Variants in JRK observed in about 807,000 individuals in gnomAD.
JRK encodes jerky protein homolog.
For missense variants in JRK, 720 were observed against 509.2 expected, an observed-to-expected ratio of 1.41 and a Z score of -3.98; for synonymous variants, 303 against 218.1, an observed-to-expected ratio of 1.39 and a Z score of -3.43.
rs782502222 is a variant in JRK at position 142,665,394 on chromosome 8, G to A, written c.665C>T (p.Ala222Val). 10 of 717,606 alleles carry A rather than the reference G, an allele frequency of 1.4e-5. No individual in the cohort carries two copies. The South Asian group carries it at 1.5e-4, about 11-fold the overall frequency. The allele number at this position is 717,606 out of a possible 1,614,324, so 44.5% of individuals were successfully genotyped here. A position where few individuals can be genotyped will look rare whatever the true frequency, so the allele number is the denominator to read the frequency against. ...GAGCCTGTGGGAGCCCGTGGCGTTG[G>A]CACACATCAGCACGGTCAGCCGGTC... ...GKDRLTVLMC[A>V]NATGSHRLKP... The change falls in exon 2 of 2, where the codon GCC becomes GTC. Residue 222 changes from alanine (A) to valine (V), a missense_variant. Coordinates refer to ENST00000612905, the MANE Select transcript of JRK (RefSeq NM_003724.4).
rs997650283 is a variant in JRK at position 142,662,457 on chromosome 8, G to A, written c.*1895C>T. The A allele has an allele frequency of 5.4e-6, 5 of 929,774 alleles. No individual in the cohort carries two copies. Among genetic ancestry groups the A allele is most frequent in the Non-Finnish European group, 6.3e-6 (5 of 799,158 alleles). The allele number at this position is 929,774 out of a possible 1,614,324, so 57.6% of individuals were successfully genotyped here. On this transcript the variant is annotated 3_prime_UTR_variant, in exon 2 of 2. Transcript: ENST00000612905. The stretch of plus-strand genomic sequence containing the variant: ...GGAGTGACACGTGAGCCCAGAAATG[G>A]CACAAAGTACATGATGTGCAGAAGT...
the JRK span, among the ~76,000 whole-genome samples, chr8:142,645,756 G>A: frequency 6.6e-6 from 1 of 151,942 alleles, no homozygotes; most frequent in Non-Finnish European, 1.5e-5. Context: ...GACTTTTTGG[G>A]TTGACCTGAA....
chr8:142,661,492 G>A lies in JRK; in HGVS notation c.*2860C>T. ...AAGAGGTTCTATTAGCAGGCTGGAAGCAGCCACAGAGGTCCCAAACCATAT... is the reference window on the plus strand; with the variant it reads ...AAGAGGTTCTATTAGCAGGCTGGAAACAGCCACAGAGGTCCCAAACCATAT... On this transcript the variant is annotated 3_prime_UTR_variant, in exon 2 of 2. Transcript: ENST00000612905. 1.0e-6 allele frequency: 1 copy of A among 985,508 alleles called. No homozygotes were observed. Among genetic ancestry groups the A allele is most frequent in the Non-Finnish European group, 1.2e-6 (1 of 829,978 alleles). The allele number at this position is 985,508 out of a possible 1,614,324, so 61.0% of individuals were successfully genotyped here.
In JRK at chr8:142,662,645, G is replaced by A; in HGVS notation, c.*1707C>T. The A allele has an allele frequency of 1.0e-6, 1 of 985,326 alleles. No individual in the cohort carries two copies. The highest frequency in any genetic ancestry group is 1.2e-6 in the Non-Finnish European group (1 of 829,870). The allele number at this position is 985,326 out of a possible 1,614,324, so 61.0% of individuals were successfully genotyped here. Reference sequence around the variant, plus strand: ...AAGAAACACACACTTCCAGGACATAGATAGGGCTCTGTCAGCAATGACTTT... The same window carrying A: ...AAGAAACACACACTTCCAGGACATAAATAGGGCTCTGTCAGCAATGACTTT... On this transcript the variant is annotated 3_prime_UTR_variant, in exon 2 of 2. Transcript: ENST00000612905.
chr8:142,669,505 GACAAGA>G (rs1847254008), intron 1 of JRK, among the ~76,000 whole-genome samples: 1 of 152,144 alleles, frequency 6.6e-6, no homozygotes, highest in Non-Finnish European at 1.5e-5. Context: ...TTCAGTCTGG[GACAAGA>G]ACAAGAACAA....
At chr8:142,647,572 C>T in the JRK span, among the ~76,000 whole-genome samples, 3 of 152,204 alleles carry the variant, frequency 2.0e-5, no homozygotes, top group Non-Finnish European at 2.9e-5. Flanking sequence ...TTGCCTGATG[C>T]CATCCATGTC....
Position 142,665,546 on chromosome 8 carries a change from G to A in JRK, c.513C>T (p.Ser171=), listed in dbSNP as rs587632748. 1.4e-6 allele frequency: 1 copy of A among 718,498 alleles called. No individual in the cohort carries two copies. Among genetic ancestry groups the A allele is most frequent in the Non-Finnish European group, 2.6e-6 (1 of 385,092 alleles). The allele number at this position is 718,498 out of a possible 1,614,324, so 44.5% of individuals were successfully genotyped here. ...CGGACAGCCCGTGCTCAGCAGCCAAGCTCCTGAAAAACGCACAGAACTGCT... is the reference window on the plus strand; with the variant it reads ...CGGACAGCCCGTGCTCAGCAGCCAAACTCCTGAAAAACGCACAGAACTGCT... ...AAEQFCAFFR[S]LAAEHGLSAE... Residue 171 remains serine, a synonymous_variant, in exon 2 of 2, where the codon AGC becomes AGT. Transcript: ENST00000612905.
At position 142,661,434 on chromosome 8, in the gene JRK, G is replaced by C; in HGVS notation, c.*2918C>G. ...AGCGCCCTCAGGCCTGAGCACTCAGGGGTGCCACCCCAAAGATGAAGGCAG... is the reference window on the plus strand; with the variant it reads ...AGCGCCCTCAGGCCTGAGCACTCAGCGGTGCCACCCCAAAGATGAAGGCAG... On this transcript the variant is annotated 3_prime_UTR_variant, in exon 2 of 2. Transcript: ENST00000612905. The C allele has an allele frequency of 1.0e-6, 1 of 985,480 alleles. No individual in the cohort carries two copies. The highest frequency in any genetic ancestry group is 1.2e-6 in the Non-Finnish European group (1 of 829,984). The allele number at this position is 985,480 out of a possible 1,614,324, so 61.0% of individuals were successfully genotyped here. A position where few individuals can be genotyped will look rare whatever the true frequency, so the allele number is the denominator to read the frequency against.
rs1481243381 is a variant in JRK, at chr8:142,665,800, C to G, written c.259G>C (p.Glu87Gln). 1.2e-5 allele frequency: 9 copies of G among 778,536 alleles called. No individual in the cohort carries two copies. The highest frequency in any genetic ancestry group is 2.2e-5 in the Non-Finnish European group (9 of 417,444). The allele number at this position is 778,536 out of a possible 1,614,324, so 48.2% of individuals were successfully genotyped here. ...TCGTACAGGACGCGGTCCAGGTGCT[C>G]CAGCTTGGGCGTGTGCAGCGTGCGC... is the stretch of plus-strand genomic sequence containing the variant. ...QRRTLHTPKLEHLDRVLYEWF... is the reference protein window; with the variant it reads ...QRRTLHTPKLQHLDRVLYEWF... The change falls in exon 2 of 2, where the codon GAG becomes CAG. Residue 87 changes from glutamate to glutamine, a missense_variant. Physicochemically the swap from Glu to Gln is conservative, Grantham distance 29 (BLOSUM62 2). Transcript: ENST00000612905.
chr8:142,650,835 A>G, the JRK span, among the ~76,000 whole-genome samples: 2 of 152,234 alleles, frequency 1.3e-5, no homozygotes, highest in Non-Finnish European at 2.9e-5. Flanking sequence ...CTCTGTTGCA[A>G]TAACTATTTT....
chr8:142,643,693 G>C, the JRK span, among the ~76,000 whole-genome samples: 1,216 of 152,206 alleles, frequency 8.0e-3, 20 homozygotes, highest in African/African-American at 0.028. Flanking sequence ...TTTCCCAAGG[G>C]GCTTTTATTG....
At position 142,665,946 on chromosome 8, in the gene JRK, C is replaced by T. The variant is rs782679761; in HGVS notation, c.113G>A (p.Arg38Gln). The T allele has an allele frequency of 4.5e-6, 4 of 898,286 alleles. No homozygotes were observed. The highest frequency in any genetic ancestry group is 1.7e-5 in the Admixed American group (1 of 59,096). 55.6% of individuals were successfully genotyped at this position (898,286 alleles called of 1,614,324 possible). A position where few individuals can be genotyped will look rare whatever the true frequency, so the allele number is the denominator to read the frequency against. Residue 38 changes from arginine to glutamine, a missense_variant, in exon 2 of 2, where the codon CGG becomes CAG. Physicochemically the swap from Arg to Gln is conservative, Grantham distance 43. Transcript: ENST00000612905. Reference protein sequence around the residue: ...ICTRLEKGESRKALMQEYNVG... With the variant: ...ICTRLEKGESQKALMQEYNVG... ...ATTGTACTCCTGCATCAGTGCCTTC[C>T]GGCTCTCGCCCTTCTCCAGGCGCGT... is the stretch of plus-strand genomic sequence containing the variant.
rs1846914593 is a variant in JRK, at chr8:142,661,497, C to T, written c.*2855G>A. On this transcript the variant is annotated 3_prime_UTR_variant, in exon 2 of 2. Coordinates refer to ENST00000612905, the MANE Select transcript of JRK (RefSeq NM_003724.4). ...GTTCTATTAGCAGGCTGGAAGCAGC[C>T]ACAGAGGTCCCAAACCATATGACGC... 1.0e-6 allele frequency: 1 copy of T among 985,506 alleles called. No homozygotes were observed. The highest frequency in any genetic ancestry group is 1.7e-5 in the African/African-American group (1 of 57,364). 61.0% of individuals were successfully genotyped at this position (985,506 alleles called of 1,614,324 possible). A position where few individuals can be genotyped will look rare whatever the true frequency, so the allele number is the denominator to read the frequency against.
the JRK span, among the ~76,000 whole-genome samples, chr8:142,646,131 T>C: frequency 6.6e-6 from 1 of 152,222 alleles, no homozygotes; most frequent in Non-Finnish European, 1.5e-5. Context: ...TTTACCTAAT[T>C]ATTTTAATTG....
chr8:142,650,269 T>TTTG, the JRK span, among the ~76,000 whole-genome samples: 47 of 152,350 alleles, frequency 3.1e-4, no homozygotes, highest in Middle Eastern at 3.4e-3. Context: ...AGGGACTTGC[T>TTTG]TTGTCTCAGA....
rs1376180841 is a variant in JRK at position 142,659,737 on chromosome 8, A to T, written c.*4615T>A. The T allele has an allele frequency of 3.0e-6, 3 of 985,408 alleles. No homozygotes were observed. The African/African-American group carries it at 5.2e-5, about 17-fold the overall frequency. The allele number at this position is 985,408 out of a possible 1,614,324, so 61.0% of individuals were successfully genotyped here. On this transcript the variant is annotated 3_prime_UTR_variant, in exon 2 of 2. Coordinates refer to ENST00000612905, the MANE Select transcript of JRK (RefSeq NM_003724.4). ...CTGTTTACAGTTGAGTGCACTGCTC[A>T]AGGTCATGCAGCTGGTGAACAGCAG... is the stretch of plus-strand genomic sequence containing the variant.
the JRK span, among the ~76,000 whole-genome samples, chr8:142,645,138 T>C: frequency 6.6e-6 from 1 of 152,226 alleles, no homozygotes; most frequent in Non-Finnish European, 1.5e-5. Context: ...CATCTTCTAC[T>C]GGATCTGAAG....
chr8:142,651,985 G>T, the JRK span, among the ~76,000 whole-genome samples: 1 of 151,222 alleles, frequency 6.6e-6, no homozygotes. Flanking sequence ...CCTGTCTTGT[G>T]TTGGAAACAA....
chr8:142,658,708 T>C lies in JRK; in HGVS notation c.*5644A>G. The C allele has an allele frequency of 7.2e-7, 1 of 1,385,016 alleles. No individual in the cohort carries two copies. The highest frequency in any genetic ancestry group is 9.5e-7 in the Non-Finnish European group (1 of 1,052,914). 85.8% of individuals were successfully genotyped at this position (1,385,016 alleles called of 1,614,324 possible). A position where few individuals can be genotyped will look rare whatever the true frequency, so the allele number is the denominator to read the frequency against. On this transcript the variant is annotated 3_prime_UTR_variant, in exon 2 of 2. Transcript: ENST00000612905. ...GGGGTCAGGGTTTCAACATATAAAC[T>C]TTGGGGGGGGACACAAACATGCAGT...
Sources: gnomAD v4.1 joint callset for allele counts (sites outside exome capture counted in the v4.1 genomes callset) on GRCh38, gnomAD v4.1.1 for gene constraint, MANE v1.5 for transcripts, NCBI Gene and HGNC (gene_info 2026-07-23, HGNC 2026-07-21) for gene names.